SMOC2: variants seen among roughly 807,000 people sequenced by gnomAD.
SMOC2 encodes SPARC related modular calcium binding 2, also known as SPARC-related modular calcium-binding protein 2.
In SMOC2, 39 loss-of-function variants were observed where a neutral mutation model predicts 61.4. The observed-to-expected ratio is 0.64, with a 90% CI of 0.49 to 0.83. The LOEUF (loss-of-function observed/expected upper bound fraction) is 0.83. Among genes scored for constraint, SMOC2 ranks in the 40% least tolerant of loss-of-function variants. SMOC2 has a pLI of 0.00. For synonymous variants in SMOC2, 247 were observed against 239.9 expected, an observed-to-expected ratio of 1.03 and a Z score of -0.27; for missense variants, 556 against 592.9, an observed-to-expected ratio of 0.94 and a Z score of 0.65.
intron 9 of SMOC2, among the ~76,000 whole-genome samples, chr6:168,625,192 T>G (rs1234065788): frequency 3.3e-5 from 5 of 152,228 alleles, no homozygotes; most frequent in Non-Finnish European, 7.3e-5. Flanking sequence ...GTGGGGCACG[T>G]GGGTCGTCCT....
Position 168,666,617 on chromosome 6 carries a change from G to C in SMOC2, c.*179G>C. 1 of 688,118 alleles carries C rather than the reference G, an allele frequency of 1.5e-6. No homozygotes were observed. Among genetic ancestry groups the C allele is most frequent in the Non-Finnish European group, 2.5e-6 (1 of 403,246 alleles). The allele number at this position is 688,118 out of a possible 1,614,324, so 42.6% of individuals were successfully genotyped here. A position where few individuals can be genotyped will look rare whatever the true frequency, so the allele number is the denominator to read the frequency against. ...TTTAATCTGTGAAAATGGAGAGCTGGCTTCAGAAAATTAATCACATACAAT... is the reference window on the plus strand; with the variant it reads ...TTTAATCTGTGAAAATGGAGAGCTGCCTTCAGAAAATTAATCACATACAAT... On this transcript the variant is annotated 3_prime_UTR_variant, in exon 13 of 13. Transcript: ENST00000356284.
Position 168,534,403 on chromosome 6 carries a change from C to T in SMOC2, c.463+6676C>T, listed in dbSNP as rs147105536. On this transcript the variant is annotated intron_variant, in intron 4 of 12. Transcript: ENST00000356284. The stretch of plus-strand genomic sequence containing the variant: ...TTTAGTCTGACAAGCCGCTTCAGGC[C>T]GGCTTGGGAAGAGTGGGAGGTCCCT... 5.9e-3 allele frequency among the ~76,000 whole-genome samples: 898 copies of T among 152,200 alleles called. 14 individuals are homozygous for T. Among genetic ancestry groups the T allele is most frequent in the South Asian group, 0.028 (135 of 4,816 alleles).
At chr6:168,609,708 G>T (rs1188564592) in intron 9 of SMOC2, among the ~76,000 whole-genome samples, 1 of 152,184 alleles carries the variant, frequency 6.6e-6, no homozygotes, top group African/African-American at 2.4e-5. Context: ...TGCATGGAAA[G>T]CCCTCAATAA....
In SMOC2 at chr6:168,447,325, CT is replaced by C. The variant is rs1233911683; in HGVS notation, c.84+5872del. On this transcript the variant is annotated intron_variant, in intron 1 of 12. Coordinates refer to ENST00000356284, the MANE Select transcript of SMOC2 (RefSeq NM_001166412.2). Reference sequence around the variant, plus strand: ...AGCTCAGGTGATCCACTCACTGTGGCTGGTCATCGATTTTCTTTCTCTTTTA... The same window carrying C: ...AGCTCAGGTGATCCACTCACTGTGGCGGTCATCGATTTTCTTTCTCTTTTA... Among the ~76,000 whole-genome samples, 4 of 152,188 alleles carry C rather than the reference CT, an allele frequency of 2.6e-5. No individual in the cohort carries two copies. The South Asian group carries it at 8.3e-4, about 31-fold the overall frequency.
intron 1 of SMOC2, among the ~76,000 whole-genome samples, chr6:168,465,610 A>G (rs1781810653): frequency 6.6e-6 from 1 of 152,200 alleles, no homozygotes; most frequent in South Asian, 2.1e-4. Flanking sequence ...AGATTTTACG[A>G]AAGTGACATA....
chr6:168,456,446 C>T (rs1781589965), intron 1 of SMOC2, among the ~76,000 whole-genome samples: 1 of 152,126 alleles, frequency 6.6e-6, no homozygotes, highest in African/African-American at 2.4e-5. Context: ...AGAGAAACCT[C>T]GCAGTGGGTT....
chr6:168,599,387 CT>C (rs1785443846), intron 8 of SMOC2, among the ~76,000 whole-genome samples: 1 of 117,906 alleles, frequency 8.5e-6, no homozygotes, highest in Non-Finnish European at 1.8e-5. Flanking sequence ...CACACCCACA[CT>C]CACACACACA....
chr6:168,472,624 C>T (rs774475823), intron 1 of SMOC2, among the ~76,000 whole-genome samples: 17 of 152,156 alleles, frequency 1.1e-4, no homozygotes, highest in African/African-American at 4.1e-4. Flanking sequence ...TAAGACTTTC[C>T]GTGTTGCTGC....
At chr6:168,608,891 A>T (rs990192679) in intron 9 of SMOC2, among the ~76,000 whole-genome samples, 7 of 152,238 alleles carry the variant, frequency 4.6e-5, no homozygotes, top group Non-Finnish European at 7.3e-5. Context: ...TCTCAGAGAC[A>T]TGAAAATCAC....
intron 5 of SMOC2, 90 bp downstream of exon 5, chr6:168,543,762 C>T (rs1208006996): frequency 6.5e-6 from 8 of 1,234,532 alleles, no homozygotes; most frequent in African/African-American, 6.0e-5. Context: ...GAAACATCCA[C>T]TAGTGATGAT....
chr6:168,542,983 T>G (rs1354340352), intron 4 of SMOC2, among the ~76,000 whole-genome samples: 1 of 152,238 alleles, frequency 6.6e-6, no homozygotes, highest in African/African-American at 2.4e-5. Context: ...GCCAGTAAAC[T>G]CTGAGACGAA....
intron 7 of SMOC2, among the ~76,000 whole-genome samples, chr6:168,573,752 C>T (rs1784729561): frequency 6.6e-6 from 1 of 152,164 alleles, no homozygotes; most frequent in Non-Finnish European, 1.5e-5. Flanking sequence ...CCTGCAGGCT[C>T]ATCTCACCAG....
intron 7 of SMOC2, among the ~76,000 whole-genome samples, chr6:168,575,694 C>A (rs1231376886): frequency 6.6e-6 from 1 of 152,258 alleles, no homozygotes; most frequent in East Asian, 1.9e-4. Context: ...AGCACCCACA[C>A]TGCTGCAGCT....
At chr6:168,631,733 T>TG (rs1786575569) in intron 9 of SMOC2, among the ~76,000 whole-genome samples, 1 of 146,764 alleles carries the variant, frequency 6.8e-6, no homozygotes, top group Admixed American at 6.6e-5. Context: ...TGGTTGGTTG[T>TG]GTTTTCCTAT....
intron 2 of SMOC2, among the ~76,000 whole-genome samples, chr6:168,510,860 G>C (rs1307632550): frequency 6.6e-6 from 1 of 152,206 alleles, no homozygotes; most frequent in East Asian, 1.9e-4. Flanking sequence ...TACTTTTGCA[G>C]ACGACGAAGG....
chr6:168,446,662 G>C (rs1297517997), intron 1 of SMOC2, among the ~76,000 whole-genome samples: 1 of 152,074 alleles, frequency 6.6e-6, no homozygotes, highest in Non-Finnish European at 1.5e-5. Context: ...AATTTCCTAT[G>C]GGCTAAAAAG....
chr6:168,509,813 T>C, intron 1 of SMOC2, 102 bp from the exon 2 acceptor site: 1 of 1,213,640 alleles, frequency 8.2e-7, no homozygotes, highest in Non-Finnish European at 1.1e-6. Flanking sequence ...CCCTCAAGCT[T>C]TCATTCCCTG....
rs1441143332 is a variant in SMOC2 at position 168,544,215 on chromosome 6, TG to T, written c.511+546del. ...TGTCACATGCCCACCATGACCCCCC[TG>T]GGAAAGTCTCCATCCTCTTCTCTGC... On this transcript the variant is annotated intron_variant, in intron 5 of 12. Transcript: ENST00000356284. The surrounding 1 kb of genome is among the most constrained non-coding windows in gnomAD (Gnocchi z 4.1). 6.6e-6 allele frequency among the ~76,000 whole-genome samples: 1 copy of T among 152,132 alleles called. No homozygotes were observed. The highest frequency in any genetic ancestry group is 1.9e-4 in the East Asian group (1 of 5,184).
chr6:168,513,013 C>T (rs1377975181), intron 2 of SMOC2, among the ~76,000 whole-genome samples: 1 of 29,006 alleles, frequency 3.4e-5, no homozygotes, highest in African/African-American at 5.0e-5. Flanking sequence ...TGTGAAATAT[C>T]TTTCTATAAA....
Sources: gnomAD v4.1 joint callset for allele counts (sites outside exome capture counted in the v4.1 genomes callset) on GRCh38, gnomAD v4.1.1 for gene constraint, Gnocchi (gnomAD v3.1) non-coding constraint, MANE v1.5 for transcripts, NCBI Gene and HGNC (gene_info 2026-07-23, HGNC 2026-07-21) for gene names.